The following CEMIP2 variants were observed in gnomAD, a reference collection of about 807,000 sequenced individuals.
CEMIP2 encodes the protein cell migration inducing hyaluronidase 2.
A neutral mutation model predicts 146.9 loss-of-function variants in CEMIP2; 79 were observed. The ratio of observed to expected loss-of-function variants is 0.54; its 90% CI spans 0.45 to 0.65. The LOEUF (loss-of-function observed/expected upper bound fraction) is 0.65. Among genes scored for constraint, CEMIP2 ranks in the 30% least tolerant of loss-of-function variants. The probability of loss-of-function intolerance (pLI) is 0.00; values close to 1 mark genes in which losing one functional copy is unlikely to be tolerated. For missense variants in CEMIP2, 1,596 were observed against 1,696.2 expected, an observed-to-expected ratio of 0.94 and a Z score of 1.04; for synonymous variants, 601 against 606.3, an observed-to-expected ratio of 0.99 and a Z score of 0.13.
chr9:71,707,956 G>T (rs1225057981), intron 17 of CEMIP2, among the ~76,000 whole-genome samples: 3 of 152,146 alleles, frequency 2.0e-5, no homozygotes, highest in Non-Finnish European at 4.4e-5. Flanking sequence ...GGAGGCCGAG[G>T]TGGGCGGATC....
chr9:71,746,621 T>C (rs530241472), intron 2 of CEMIP2, among the ~76,000 whole-genome samples: 1 of 88,960 alleles, frequency 1.1e-5, no homozygotes, highest in South Asian at 4.4e-4. Flanking sequence ...AAAAAAAAAG[T>C]TTCCCTGAAT....
In CEMIP2 at chr9:71,730,742, G is replaced by A. The variant is rs138676811; in HGVS notation, c.1736C>T (p.Ser579Leu). ...TGTCCCATGCACAGTGATGCACCTT[G>A]AGAAGCTGTGATGAATAGACAGGCC... is the stretch of plus-strand genomic sequence containing the variant. ...VDGLSIHHSF[S>L]RCITVHGTNG... The change falls in exon 8 of 24, where the codon TCA becomes TTA. Residue 579 changes from serine (S) to leucine (L), a missense_variant. Ser to Leu is a moderately radical substitution (Grantham distance 145, BLOSUM62 -2). Transcript: ENST00000377044. 3.8e-5 allele frequency: 61 copies of A among 1,614,210 alleles called. 1 individual carries two copies. In the East Asian group the frequency reaches 1.3e-3, roughly 35 times the overall value.
Position 71,698,005 on chromosome 9 carries a change from G to T in CEMIP2, c.3577C>A (p.Gln1193Lys). The change falls in exon 20 of 24, where the codon CAA becomes AAA. Residue 1193 changes from glutamine to lysine, a missense_variant. Gln to Lys is a moderately conservative substitution (Grantham distance 53, BLOSUM62 1). Transcript: ENST00000377044. ...RMPAMLTGLC[Q>K]GCGTRQVVFT... ...TTTACCTGCCGAGTGCCACAGCCTTGACAGAGTCCAGTGAGCATGGCCGGC... is the reference window on the plus strand; with the variant it reads ...TTTACCTGCCGAGTGCCACAGCCTTTACAGAGTCCAGTGAGCATGGCCGGC... 6.2e-7 allele frequency: 1 copy of T among 1,614,082 alleles called. No homozygotes were observed. The highest frequency in any genetic ancestry group is 1.1e-5 in the South Asian group (1 of 91,058).
At position 71,759,254 on chromosome 9, in the gene CEMIP2, C is replaced by T. The variant is rs552059388; in HGVS notation, c.-12-8869G>A. Among the ~76,000 whole-genome samples the T allele has an allele frequency of 3.3e-5, 5 of 152,234 alleles. No homozygotes were observed. The South Asian group carries it at 8.3e-4, about 25-fold the overall frequency. ...TATTGTTATAATAAACATCTGTATG[C>T]ATCAGACTTCTAGATTCACACCACG... On this transcript the variant is annotated intron_variant, in intron 1 of 23. Transcript: ENST00000377044.
chr9:71,702,561 T>C (rs1332786825), intron 18 of CEMIP2, among the ~76,000 whole-genome samples: 1 of 152,120 alleles, frequency 6.6e-6, no homozygotes, highest in Non-Finnish European at 1.5e-5. Context: ...TGTAGATTAT[T>C]TCCATTTTCT....
intron 1 of CEMIP2, among the ~76,000 whole-genome samples, chr9:71,755,212 A>T (rs1824391917): frequency 6.7e-6 from 1 of 149,752 alleles, no homozygotes; most frequent in African/African-American, 2.5e-5. Context: ...TTTACCTATA[A>T]AAAGAGGCAT....
At chr9:71,689,941 C>T (rs544184275) in intron 22 of CEMIP2, 151 bp downstream of exon 22, 13 of 923,502 alleles carry the variant, frequency 1.4e-5, no homozygotes, top group African/African-American at 3.3e-5. Flanking sequence ...ACGACATGGG[C>T]GTCAATCTGA....
Position 71,746,234 on chromosome 9 carries a change from C to T in CEMIP2, c.439G>A (p.Ala147Thr), listed in dbSNP as rs774938121. The T allele has an allele frequency of 3.3e-5, 53 of 1,613,752 alleles. No individual in the cohort carries two copies. The highest frequency in any genetic ancestry group is 4.5e-5 in the East Asian group (2 of 44,872). ...TGAATGACTATAGAATGCACGGTGG[C>T]GTCTGAGGTCAGACGGAGCATATCT... ...EGDMLRLTSDATVHSIVIQDG... is the reference protein window; with the variant it reads ...EGDMLRLTSDTTVHSIVIQDG... The change falls in exon 3 of 24, where the codon GCC (alanine) becomes ACC (threonine). Residue 147 changes from alanine (A) to threonine (T), a missense_variant. Physicochemically the swap from Ala to Thr is moderately conservative, Grantham distance 58. Transcript: ENST00000377044.
intron 1 of CEMIP2, among the ~76,000 whole-genome samples, chr9:71,754,191 A>G (rs991684975): frequency 6.6e-6 from 1 of 152,190 alleles, no homozygotes; most frequent in African/African-American, 2.4e-5. Context: ...GTACACATGT[A>G]CCCTAGAACT....
In CEMIP2 at chr9:71,730,839, A is replaced by G. The variant is rs975471710; in HGVS notation, c.1639T>C (p.Tyr547His). The change falls in exon 8 of 24, where the codon TAC becomes CAC. Residue 547 changes from tyrosine (Y) to histidine (H), a missense_variant. Physicochemically the swap from Tyr to His is moderately conservative, Grantham distance 83 (BLOSUM62 2). Transcript: ENST00000377044. Reference protein sequence around the residue: ...KHMGQQQMGRYPVHFHLCGDV... With the variant: ...KHMGQQQMGRHPVHFHLCGDV... ...CCACACAGGTGAAAATGAACAGGGT[A>G]TCGCCCCATCTGCTGCTGACCCATG... The G allele has an allele frequency of 3.7e-6, 6 of 1,614,086 alleles. No individual in the cohort carries two copies. The highest frequency in any genetic ancestry group is 1.1e-5 in the South Asian group (1 of 91,090).
chr9:71,726,919 G>A (rs1280595287), intron 10 of CEMIP2, among the ~76,000 whole-genome samples: 1 of 152,192 alleles, frequency 6.6e-6, no homozygotes, highest in African/African-American at 2.4e-5. Context: ...ATGGAGATGG[G>A]AGTGGGACGG....
Position 71,704,677 on chromosome 9 carries a change from C to T in CEMIP2, c.3112G>A (p.Val1038Ile), listed in dbSNP as rs780192646. The T allele has an allele frequency of 1.8e-5, 29 of 1,614,014 alleles. 1 individual carries two copies. In the Admixed American group the frequency reaches 2.0e-4, roughly 11 times the overall value. Reference sequence around the variant, plus strand: ...ATGGTATAACCCTTCTCCAGCATGACGACAGGCTGGTACTGTGGAAAGGCA... The same window carrying T: ...ATGGTATAACCCTTCTCCAGCATGATGACAGGCTGGTACTGTGGAAAGGCA... Reference protein sequence around the residue: ...KAAFPQYQPVVMLEKGYTIHW... With the variant: ...KAAFPQYQPVIMLEKGYTIHW... The change falls in exon 18 of 24, where the codon GTC becomes ATC. Residue 1038 changes from valine (V) to isoleucine (I), a missense_variant. Physicochemically the swap from Val to Ile is conservative, Grantham distance 29. Transcript: ENST00000377044.
At chr9:71,760,158 GAAAT>G (rs948191131) in intron 1 of CEMIP2, among the ~76,000 whole-genome samples, 24 of 151,994 alleles carry the variant, frequency 1.6e-4, no homozygotes, top group African/African-American at 5.8e-4. Context: ...CTATAGTTAG[GAAAT>G]AAATCTCTGG....
At chr9:71,739,238 C>G (rs192757988) in intron 5 of CEMIP2, among the ~76,000 whole-genome samples, 1 of 151,236 alleles carries the variant, frequency 6.6e-6, no homozygotes, top group African/African-American at 2.4e-5. Context: ...GTAATTATCC[C>G]CTGTCTAGAA....
Position 71,704,668 on chromosome 9 carries a change from C to T in CEMIP2, c.3121G>A (p.Glu1041Lys). The T allele has an allele frequency of 6.2e-7, 1 of 1,614,126 alleles. No homozygotes were observed. The highest frequency in any genetic ancestry group is 8.5e-7 in the Non-Finnish European group (1 of 1,180,020). Residue 1041 changes from glutamate (E) to lysine (K), a missense_variant, in exon 18 of 24, where the codon GAG becomes AAG. Glu to Lys is a moderately conservative substitution (Grantham distance 56). Transcript: ENST00000377044. ...FPQYQPVVML[E>K]KGYTIHWNGP... ...TTCCAGTGGATGGTATAACCCTTCTCCAGCATGACGACAGGCTGGTACTGT... is the reference window on the plus strand; with the variant it reads ...TTCCAGTGGATGGTATAACCCTTCTTCAGCATGACGACAGGCTGGTACTGT...
rs756266287 is a variant in CEMIP2 at position 71,730,910 on chromosome 9, A to G, written c.1568T>C (p.Met523Thr). Reference protein sequence around the residue: ...YDTFGGHIMIMKNFTSVHLSY... With the variant: ...YDTFGGHIMITKNFTSVHLSY... ...AAGATGGACTGAAGTAAAATTTTTC[A>G]TTATCTGTAAGTCAAGGTACTAAAA... Residue 523 changes from methionine to threonine, a missense_variant, in exon 8 of 24, where the codon ATG (methionine) becomes ACG (threonine). Physicochemically the swap from Met to Thr is moderately conservative, Grantham distance 81. Coordinates refer to ENST00000377044, the MANE Select transcript of CEMIP2 (RefSeq NM_013390.3). 2 of 1,613,972 alleles carry G rather than the reference A, an allele frequency of 1.2e-6. No individual in the cohort carries two copies. Among genetic ancestry groups the G allele is most frequent in the South Asian group, 1.1e-5 (1 of 91,090 alleles).
At position 71,725,584 on chromosome 9, in the gene CEMIP2, A is replaced by C. The variant is rs137948496; in HGVS notation, c.2175T>G (p.Phe725Leu). 6.5e-5 allele frequency: 105 copies of C among 1,613,572 alleles called. No homozygotes were observed. The African/African-American group carries it at 9.2e-4, about 14-fold the overall frequency. Residue 725 changes from phenylalanine (F) to leucine (L), a missense_variant, in exon 11 of 24, where the codon TTT becomes TTG. By Grantham distance (22) the Phe-to-Leu change is conservative. Coordinates refer to ENST00000377044, the MANE Select transcript of CEMIP2 (RefSeq NM_013390.3). The part of the protein sequence containing the change: ...IFYNNRVHSN[F>L]KAGLFIDKGV... The stretch of plus-strand genomic sequence containing the variant: ...TTGTTAAAACTTAGAAACCTACCTT[A>C]AAATTTGAATGGACCCTGTTGTTAT...
At chr9:71,756,326 T>G (rs1349132306) in intron 1 of CEMIP2, among the ~76,000 whole-genome samples, 2 of 130,908 alleles carry the variant, frequency 1.5e-5, no homozygotes, top group Admixed American at 7.3e-5. Flanking sequence ...TGCGTGTGTA[T>G]GTGTGTGTGT....
At chr9:71,687,460 T>TTGTG (rs1554679314) in intron 22 of CEMIP2, 7 of 90,674 alleles carry the variant, frequency 7.7e-5, no homozygotes, top group African/African-American at 2.1e-4. Context: ...TGTATTTATT[T>TTGTG]TCTGTGTGTG....
Sources: allele counts gnomAD v4.1 joint callset (sites outside exome capture counted in the v4.1 genomes callset), GRCh38; gene constraint gnomAD v4.1.1; transcripts MANE v1.5; gene names NCBI Gene and HGNC (gene_info 2026-07-23, HGNC 2026-07-21).